AMN1: variants seen among roughly 807,000 people sequenced by gnomAD.
AMN1 encodes the protein protein AMN1 homolog.
AMN1 carries 20 observed loss-of-function variants against 33.0 expected under a neutral mutation model. The observed-to-expected ratio is 0.61, with a 90% confidence interval of 0.43 to 0.88. The LOEUF (loss-of-function observed/expected upper bound fraction) is 0.88. Among genes scored for constraint, AMN1 ranks in the 40% least tolerant of loss-of-function variants. The probability of loss-of-function intolerance (pLI) is 0.00; values close to 1 mark genes in which losing one functional copy is unlikely to be tolerated. For missense variants in AMN1, 246 were observed against 307.4 expected, an observed-to-expected ratio of 0.80 and a Z score of 1.49; for synonymous variants, 114 against 111.9, an observed-to-expected ratio of 1.02 and a Z score of -0.12.
intron 6 of AMN1, among the ~76,000 whole-genome samples, chr12:31,682,365 C>T (rs563082454): frequency 3.5e-4 from 54 of 152,154 alleles, no homozygotes; most frequent in African/African-American, 1.2e-3. Flanking sequence ...GTTTGTATGC[C>T]GGGAAGTCCC....
intron 1 of AMN1, among the ~76,000 whole-genome samples, chr12:31,725,929 C>A (rs1017287162): frequency 1.3e-5 from 2 of 152,130 alleles, no homozygotes; most frequent in Non-Finnish European, 2.9e-5. Context: ...GAACTCCTGA[C>A]CTCAAGTGAT....
chr12:31,720,591 C>A (rs1458971982), intron 1 of AMN1, among the ~76,000 whole-genome samples: 1 of 151,482 alleles, frequency 6.6e-6, no homozygotes, highest in African/African-American at 2.4e-5. Context: ...TCACAAATAC[C>A]AATTATGGGT....
intron 1 of AMN1, among the ~76,000 whole-genome samples, chr12:31,720,880 T>C (rs1939856543): frequency 6.6e-6 from 1 of 152,254 alleles, no homozygotes; most frequent in Admixed American, 6.5e-5. Context: ...TGAACATTCA[T>C]GTACAAGTAT....
chr12:31,685,810 A>AAAAAAAG (rs34184496), intron 6 of AMN1, among the ~76,000 whole-genome samples: 1 of 72,044 alleles, frequency 1.4e-5, no homozygotes. Flanking sequence ...CAAAAAAAAA[A>AAAAAAAG]GAAAGAAAGA....
chr12:31,705,714 AAAG>A (rs1041558171), intron 2 of AMN1, among the ~76,000 whole-genome samples: 4 of 152,282 alleles, frequency 2.6e-5, no homozygotes, highest in South Asian at 2.1e-4. Context: ...ATATAAACAA[AAAG>A]AAGAAGCAGA....
chr12:31,698,626 T>TA (rs1366509259), intron 3 of AMN1, among the ~76,000 whole-genome samples: 1 of 152,098 alleles, frequency 6.6e-6, no homozygotes, highest in African/African-American at 2.4e-5. Flanking sequence ...CCTTTGGTCA[T>TA]AAACAAACAT....
In AMN1 at chr12:31,683,291, T is replaced by C. The variant is rs983917138; in HGVS notation, c.703+5716A>G. Among the ~76,000 whole-genome samples, 3 of 152,200 alleles carry C rather than the reference T, an allele frequency of 2.0e-5. No homozygotes were observed. Among genetic ancestry groups the C allele is most frequent in the African/African-American group, 7.2e-5 (3 of 41,456 alleles). On this transcript the variant is annotated intron_variant, in intron 6 of 6. Transcript: ENST00000281471. This position sits in a 1 kb window ranked among gnomAD's most constrained non-coding sequence, Gnocchi z 4.1. ...AATGATATGCTATTCTTGCTGCAAA[T>C]GTTGAAGTTGACTGATAATTTTTCT... is the stretch of plus-strand genomic sequence containing the variant.
At chr12:31,706,178 G>A (rs1489342569) in intron 2 of AMN1, among the ~76,000 whole-genome samples, 2 of 151,812 alleles carry the variant, frequency 1.3e-5, no homozygotes, top group African/African-American at 4.8e-5. Context: ...TGGGTGTGGT[G>A]GCGGGCGCCT....
At chr12:31,678,019 G>A (rs1284386402) in intron 6 of AMN1, among the ~76,000 whole-genome samples, 1 of 152,128 alleles carries the variant, frequency 6.6e-6, no homozygotes, top group African/African-American at 2.4e-5. Flanking sequence ...GCCTTGCTGG[G>A]TTTCTCCACT....
At chr12:31,711,804 A>T (rs184923519) in intron 1 of AMN1, among the ~76,000 whole-genome samples, 1 of 152,226 alleles carries the variant, frequency 6.6e-6, no homozygotes, top group East Asian at 1.9e-4. Context: ...TCTATTGAAC[A>T]CTATTTTTTA....
chr12:31,718,634 TTC>T lies in AMN1; in HGVS notation c.39-9211_39-9210del, dbSNP rs1470072434. ...TTTTGTTAATGTTGATGCTATTCCT[TTC>T]TGTTTGTTAGTTTTCCTTCTAACAG... On this transcript the variant is annotated intron_variant, in intron 1 of 6. Coordinates refer to ENST00000281471, the MANE Select transcript of AMN1 (RefSeq NM_001113402.2). Among the ~76,000 whole-genome samples the T allele has an allele frequency of 2.0e-5, 3 of 152,314 alleles. No homozygotes were observed. The East Asian group carries it at 5.8e-4, about 29-fold the overall frequency.
At chr12:31,717,944 C>T (rs1004826139) in intron 1 of AMN1, among the ~76,000 whole-genome samples, 4 of 152,030 alleles carry the variant, frequency 2.6e-5, no homozygotes, top group Non-Finnish European at 4.4e-5. Context: ...ATTGTTCAAC[C>T]TGAATTTGAA....
At chr12:31,726,187 G>A (rs531910818) in intron 1 of AMN1, among the ~76,000 whole-genome samples, 8 of 146,490 alleles carry the variant, frequency 5.5e-5, no homozygotes, top group East Asian at 4.0e-4. Context: ...GGGGGACGGA[G>A]TTTCGCTCTT....
chr12:31,689,881 G>A (rs1565767343), intron 5 of AMN1, among the ~76,000 whole-genome samples: 2 of 152,084 alleles, frequency 1.3e-5, no homozygotes, highest in African/African-American at 4.8e-5. Flanking sequence ...CACTGAACCC[G>A]ATTTTTAGTC....
At chr12:31,699,395 C>CAA (rs34860207) in intron 3 of AMN1, among the ~76,000 whole-genome samples, 15,231 of 36,738 alleles carry the variant, frequency 0.41, 5,361 homozygotes, top group Non-Finnish European at 0.49. Context: ...GACTCTGTCT[C>CAA]AAAAAAAAAA....
At chr12:31,712,710 C>T (rs1939516685) in intron 1 of AMN1, among the ~76,000 whole-genome samples, 1 of 152,080 alleles carries the variant, frequency 6.6e-6, no homozygotes, top group South Asian at 2.1e-4. Flanking sequence ...GGCTGGAGTG[C>T]AGTGGCACAA....
chr12:31,697,627 G>T, intron 4 of AMN1, 113 bp downstream of exon 4: 1 of 1,208,566 alleles, frequency 8.3e-7, no homozygotes, highest in Non-Finnish European at 1.2e-6. Flanking sequence ...GCATGAAGTG[G>T]TCAATAGTTT....
At chr12:31,697,498 A>G in intron 4 of AMN1, 81 bp from the exon 5 acceptor site, 1 of 1,372,080 alleles carries the variant, frequency 7.3e-7, no homozygotes, top group Non-Finnish European at 1.0e-6. Flanking sequence ...CATTATTTAG[A>G]TATAGTCTTA....
chr12:31,672,390 A>G lies in AMN1; in HGVS notation c.704-13T>C. ...TCTCGGGAATGATCTATAAAAGAAA[A>G]CAATGACAATATATTAATTGACAAT... On this transcript the variant is annotated splice_polypyrimidine_tract_variant and intron_variant, in intron 6 of 6. Transcript: ENST00000281471. The G allele has an allele frequency of 6.5e-7, 1 of 1,536,224 alleles. No homozygotes were observed. The highest frequency in any genetic ancestry group is 1.9e-5 in the Admixed American group (1 of 52,602).
Sources: allele counts gnomAD v4.1 joint callset (sites outside exome capture counted in the v4.1 genomes callset), GRCh38; gene constraint gnomAD v4.1.1; non-coding constraint Gnocchi (gnomAD v3.1); transcripts MANE v1.5; gene names NCBI Gene and HGNC (gene_info 2026-07-23, HGNC 2026-07-21).